Variants in PLEKHA5 observed in about 807,000 individuals in gnomAD.
The protein encoded by PLEKHA5 is pleckstrin homology domain containing A5.
In PLEKHA5, 55 loss-of-function variants were observed where a neutral mutation model predicts 181.9. The ratio of observed to expected loss-of-function variants is 0.30; its 90% confidence interval spans 0.24 to 0.38. PLEKHA5 has a LOEUF of 0.38. Ranked by LOEUF, PLEKHA5 falls within the 10% of genes least tolerant of loss-of-function variation. The pLI, the probability that PLEKHA5 is intolerant of heterozygous loss-of-function variation, is 1.00. For missense variants in PLEKHA5, 1,432 were observed against 1,549.5 expected (o/e 0.92, Z 1.27); for synonymous variants, 535 against 529.4 (o/e 1.01, Z -0.15).
At chr12:19,269,683 C>G (rs755651036) in intron 8 of PLEKHA5, 87 bp from the exon 9 acceptor site, 1 of 613,688 alleles carries the variant, frequency 1.6e-6, no homozygotes, top group Non-Finnish European at 2.9e-6. Flanking sequence ...TAGCAACGTT[C>G]TATGTCAGGA....
At chr12:19,275,624 A>C (rs893621623) in intron 11 of PLEKHA5, among the ~76,000 whole-genome samples, 1 of 152,060 alleles carries the variant, frequency 6.6e-6, no homozygotes, top group Non-Finnish European at 1.5e-5. Context: ...AAATTAGCCA[A>C]GCATAGTGGT....
intron 4 of PLEKHA5, 81 bp downstream of exon 4, chr12:19,254,104 C>T: frequency 1.2e-6 from 1 of 840,748 alleles, no homozygotes; most frequent in Non-Finnish European, 2.0e-6. Context: ...TTCAATTTAG[C>T]AGTTTTCTTA....
At chr12:19,142,488 A>G (rs1378943868) in intron 3 of PLEKHA5, among the ~76,000 whole-genome samples, 1 of 152,242 alleles carries the variant, frequency 6.6e-6, no homozygotes, top group African/African-American at 2.4e-5. Flanking sequence ...CAAAGAAATT[A>G]TATAACATGG....
In PLEKHA5 at chr12:19,134,653, A is replaced by T. The variant is rs138770844; in HGVS notation, c.227+2203A>T. ...GTTTGTATTGTTATTTATCATTCTAATAGGATAGGGGCACTACTTTTATCT... is the reference window on the plus strand; with the variant it reads ...GTTTGTATTGTTATTTATCATTCTATTAGGATAGGGGCACTACTTTTATCT... On this transcript the variant is annotated intron_variant, in intron 3 of 31. Transcript: ENST00000429027. 8.9e-3 allele frequency among the ~76,000 whole-genome samples: 1,360 copies of T among 152,210 alleles called. 24 individuals are homozygous for T. Among genetic ancestry groups the T allele is most frequent in the African/African-American group, 0.031 (1,282 of 41,540 alleles).
At chr12:19,218,931 CTTTTT>C (rs67123665) in intron 3 of PLEKHA5, among the ~76,000 whole-genome samples, 21 of 140,194 alleles carry the variant, frequency 1.5e-4, no homozygotes, top group Non-Finnish European at 2.7e-4. Context: ...TTTTAATTTT[CTTTTT>C]TTTTTTAATT....
At chr12:19,165,150 A>T (rs1456784040) in intron 3 of PLEKHA5, among the ~76,000 whole-genome samples, 1 of 152,168 alleles carries the variant, frequency 6.6e-6, no homozygotes, top group Non-Finnish European at 1.5e-5. Flanking sequence ...AGAGTTTTGG[A>T]GCTGCTGAAA....
chr12:19,367,565 C>A (rs186134257), intron 30 of PLEKHA5, among the ~76,000 whole-genome samples: 1 of 150,322 alleles, frequency 6.7e-6, no homozygotes, highest in Admixed American at 7.1e-5. Flanking sequence ...AGCTTTGCTT[C>A]TTTTTTATTT....
At chr12:19,241,840 A>G (rs140694984) in intron 3 of PLEKHA5, among the ~76,000 whole-genome samples, 6 of 152,264 alleles carry the variant, frequency 3.9e-5, no homozygotes, top group African/African-American at 1.2e-4. Flanking sequence ...TTAGAACCAT[A>G]TGCGCCTGCA....
At chr12:19,232,419 A>G (rs142074778) in intron 3 of PLEKHA5, among the ~76,000 whole-genome samples, 1 of 152,152 alleles carries the variant, frequency 6.6e-6, no homozygotes, top group Non-Finnish European at 1.5e-5. Flanking sequence ...ATCTCGTACA[A>G]GAAGTGGAAA....
intron 3 of PLEKHA5, among the ~76,000 whole-genome samples, chr12:19,210,239 C>T (rs947664290): frequency 3.3e-5 from 5 of 152,172 alleles, no homozygotes; most frequent in Non-Finnish European, 7.3e-5. Context: ...CATTTTTCCA[C>T]AGACGTTTTG....
intron 20 of PLEKHA5, among the ~76,000 whole-genome samples, chr12:19,332,064 T>C (rs2092896557): frequency 6.6e-6 from 1 of 152,036 alleles, no homozygotes; most frequent in South Asian, 2.1e-4. Flanking sequence ...TTGGAAAGAT[T>C]GCTTGAGCCC....
chr12:19,190,528 A>G (rs1050665512), intron 3 of PLEKHA5, among the ~76,000 whole-genome samples: 1 of 152,246 alleles, frequency 6.6e-6, no homozygotes, highest in Non-Finnish European at 1.5e-5. Flanking sequence ...AGTGATAACA[A>G]TCTAAAAGTC....
At chr12:19,196,553 G>A (rs970794591) in intron 3 of PLEKHA5, among the ~76,000 whole-genome samples, 2 of 152,152 alleles carry the variant, frequency 1.3e-5, no homozygotes, top group Non-Finnish European at 2.9e-5. Flanking sequence ...ATAAAAGAGG[G>A]ACACTGGCAA....
At position 19,361,721 on chromosome 12, in the gene PLEKHA5, A is replaced by T; in HGVS notation, c.3608+15A>T. 6.3e-7 allele frequency: 1 copy of T among 1,585,410 alleles called. No homozygotes were observed. The highest frequency in any genetic ancestry group is 1.2e-5 in the South Asian group (1 of 85,690). On this transcript the variant is annotated intron_variant, in intron 29 of 31. Transcript: ENST00000429027. The stretch of plus-strand genomic sequence containing the variant: ...GTTACATTCAGGTAATATTTAAGAA[A>T]AGCAAAGGAATCATTCACAAAACTG...
chr12:19,224,445 T>C (rs2059409142), intron 3 of PLEKHA5, among the ~76,000 whole-genome samples: 1 of 152,190 alleles, frequency 6.6e-6, no homozygotes, highest in Non-Finnish European at 1.5e-5. Context: ...TTGCCCATTA[T>C]CAGTGGGTTT....
intron 3 of PLEKHA5, among the ~76,000 whole-genome samples, chr12:19,196,603 A>G (rs957785718): frequency 2.0e-5 from 3 of 152,154 alleles, no homozygotes; most frequent in Non-Finnish European, 4.4e-5. Flanking sequence ...CCTTCCTGCC[A>G]TTTCCTAGCA....
At chr12:19,142,366 C>A (rs1215160700) in intron 3 of PLEKHA5, among the ~76,000 whole-genome samples, 1 of 152,016 alleles carries the variant, frequency 6.6e-6, no homozygotes, top group Non-Finnish European at 1.5e-5. Flanking sequence ...GAGACCCCAT[C>A]TCTAAAAAAA....
At chr12:19,317,146 C>T (rs2089126173) in intron 16 of PLEKHA5, among the ~76,000 whole-genome samples, 1 of 152,040 alleles carries the variant, frequency 6.6e-6, no homozygotes, top group Admixed American at 6.6e-5. Context: ...GCTGAAGGAT[C>T]GCTTGAGGCC....
Position 19,257,926 on chromosome 12 carries a change from A to G in PLEKHA5, c.537+389A>G, listed in dbSNP as rs1231341615. 2.6e-5 allele frequency among the ~76,000 whole-genome samples: 4 copies of G among 152,180 alleles called. No homozygotes were observed. The East Asian group carries it at 7.7e-4, about 29-fold the overall frequency. On this transcript the variant is annotated intron_variant, in intron 6 of 31. Coordinates refer to ENST00000429027, the MANE Select transcript of PLEKHA5 (RefSeq NM_001256470.2). ...CTATTGATATAAAAATTGTTAGAGA[A>G]ATATACAGTTGTATATTTCCCCCCT... is the stretch of plus-strand genomic sequence containing the variant.
Sources: allele counts gnomAD v4.1 joint callset (sites outside exome capture counted in the v4.1 genomes callset), GRCh38; gene constraint gnomAD v4.1.1; transcripts MANE v1.5; gene names NCBI Gene and HGNC (gene_info 2026-07-23, HGNC 2026-07-21).